CDH8: variants seen among roughly 807,000 people sequenced by gnomAD.
CDH8 encodes the protein cadherin-8.
Under a neutral mutation model 68.1 loss-of-function variants are expected in CDH8, and 17 were observed. That is an observed-to-expected ratio of 0.25 (90% confidence interval 0.17 to 0.37). CDH8 has a LOEUF of 0.37. Ranked by LOEUF, CDH8 falls within the 10% of genes least tolerant of loss-of-function variation. CDH8 has a pLI of 1.00. For synonymous variants in CDH8, 372 were observed against 365.1 expected, an observed-to-expected ratio of 1.02 and a Z score of -0.21; for missense variants, 763 against 999.3, an observed-to-expected ratio of 0.76 and a Z score of 3.19.
chr16:61,720,235 A>G (rs62050474), intron 9 of CDH8, among the ~76,000 whole-genome samples: 101,584 of 150,490 alleles, frequency 0.68, 34,452 homozygotes, highest in South Asian at 0.68. Flanking sequence ...CAGATCCTCC[A>G]GTACCAGATT....
At chr16:61,845,542 C>T (rs1407719351) in intron 4 of CDH8, among the ~76,000 whole-genome samples, 1 of 149,932 alleles carries the variant, frequency 6.7e-6, no homozygotes, top group Non-Finnish European at 1.5e-5. Flanking sequence ...TATAGCTATG[C>T]TTGCATTCAC....
At chr16:61,899,922 G>A (rs1315783302) in intron 3 of CDH8, among the ~76,000 whole-genome samples, 1 of 151,496 alleles carries the variant, frequency 6.6e-6, no homozygotes, top group Non-Finnish European at 1.5e-5. Flanking sequence ...TGGGAGGTAA[G>A]GCATTCTGTA....
At chr16:61,736,098 G>GGAAA (rs1260262826) in intron 8 of CDH8, among the ~76,000 whole-genome samples, 7,146 of 98,892 alleles carry the variant, frequency 0.072, 282 homozygotes, top group Non-Finnish European at 0.085. Context: ...CAAGAAAGAA[G>GGAAA]GAAAGAAAGA....
intron 3 of CDH8, among the ~76,000 whole-genome samples, chr16:61,900,936 C>A (rs937391914): frequency 6.6e-6 from 1 of 152,138 alleles, no homozygotes; most frequent in Non-Finnish European, 1.5e-5. Context: ...ACAAATTCAG[C>A]TTATTGAAGT....
intron 10 of CDH8, among the ~76,000 whole-genome samples, chr16:61,661,112 A>C (rs1229171146): frequency 6.6e-6 from 1 of 152,084 alleles, no homozygotes. Flanking sequence ...TTCAGCATAA[A>C]ATATCTATTT....
chr16:61,956,312 G>T (rs1337236084), intron 2 of CDH8, among the ~76,000 whole-genome samples: 5 of 151,874 alleles, frequency 3.3e-5, no homozygotes, highest in African/African-American at 1.2e-4. Flanking sequence ...TGTTTGTTTT[G>T]TTCTAAAAGA....
chr16:61,940,398 C>CTTTTTGTTTTTTTTTTTTTTTTTTT (rs1964695671), intron 2 of CDH8: 1 of 116,342 alleles, frequency 8.6e-6, no homozygotes, highest in African/African-American at 3.7e-5. Flanking sequence ...ACTACTTGAT[C>CTTTTTGTTTTTTTTTTTTTTTTTTT]TTTTTTTTTT....
In CDH8 at chr16:61,697,794, T is replaced by C. The variant is rs552710601; in HGVS notation, c.1654+16047A>G. 4.6e-5 allele frequency among the ~76,000 whole-genome samples: 7 copies of C among 152,306 alleles called. No individual in the cohort carries two copies. In the East Asian group the frequency reaches 1.4e-3, roughly 29 times the overall value. On this transcript the variant is annotated intron_variant, in intron 10 of 11. Transcript: ENST00000577390. ...GCGTAAGCCATTGTGGCCAGCCCCT[T>C]CTGGGGAGTTTTTTTGTTTCCACTC...
intron 10 of CDH8, among the ~76,000 whole-genome samples, chr16:61,689,284 C>T (rs1047147902): frequency 2.0e-5 from 3 of 152,016 alleles, no homozygotes; most frequent in African/African-American, 4.8e-5. Flanking sequence ...AAAGATCTCT[C>T]GCAATCACTC....
chr16:61,744,569 G>T (rs1442790893), intron 8 of CDH8, among the ~76,000 whole-genome samples: 1 of 151,404 alleles, frequency 6.6e-6, no homozygotes, highest in Non-Finnish European at 1.5e-5. Context: ...TAACTATATG[G>T]GTTTGGATTT....
intron 10 of CDH8, among the ~76,000 whole-genome samples, chr16:61,687,979 A>G (rs12103220): frequency 0.21 from 32,401 of 152,012 alleles, 3,829 homozygotes; most frequent in Middle Eastern, 0.3. Context: ...GCAAATCAGA[A>G]TACTAAAAGT....
At chr16:61,751,464 A>C (rs1960162762) in intron 8 of CDH8, among the ~76,000 whole-genome samples, 1 of 151,526 alleles carries the variant, frequency 6.6e-6, no homozygotes, top group Non-Finnish European at 1.5e-5. Context: ...TCTTAAAAAA[A>C]TGGCTTAAAG....
intron 2 of CDH8, among the ~76,000 whole-genome samples, chr16:61,992,986 C>T (rs1053074652): frequency 2.0e-5 from 3 of 152,066 alleles, no homozygotes; most frequent in Non-Finnish European, 4.4e-5. Flanking sequence ...GGTCTCACTA[C>T]GTTTCTCAGG....
chr16:61,940,452 T>C (rs1387200670), intron 2 of CDH8: 1 of 147,706 alleles, frequency 6.8e-6, no homozygotes, highest in African/African-American at 2.5e-5. Flanking sequence ...CAGGCTGGAG[T>C]GCAGTGGCGC....
intron 8 of CDH8, among the ~76,000 whole-genome samples, chr16:61,732,175 CAG>C (rs1378085548): frequency 6.6e-6 from 1 of 151,402 alleles, no homozygotes; most frequent in African/African-American, 2.4e-5. Context: ...GAAAAGGAGA[CAG>C]AGAATGGAGA....
At chr16:61,761,586 A>G (rs886500319) in intron 8 of CDH8, among the ~76,000 whole-genome samples, 2 of 152,186 alleles carry the variant, frequency 1.3e-5, no homozygotes, top group Non-Finnish European at 2.9e-5. Context: ...AAAAAATACA[A>G]AAGTATGAGT....
intron 2 of CDH8, among the ~76,000 whole-genome samples, chr16:61,905,216 T>C (rs1029801680): frequency 6.6e-6 from 1 of 152,224 alleles, no homozygotes; most frequent in East Asian, 1.9e-4. Flanking sequence ...CCTGGGCAGG[T>C]AGGACTCATT....
At chr16:61,849,000 A>G (rs1052255151) in intron 4 of CDH8, among the ~76,000 whole-genome samples, 1 of 152,108 alleles carries the variant, frequency 6.6e-6, no homozygotes, top group Non-Finnish European at 1.5e-5. Context: ...TAAAATAGCT[A>G]CTTTACTTGA....
chr16:61,730,536 G>A (rs1959506088), intron 8 of CDH8, among the ~76,000 whole-genome samples: 1 of 151,458 alleles, frequency 6.6e-6, no homozygotes, highest in African/African-American at 2.4e-5. Flanking sequence ...ATAGTTCGGT[G>A]AGAAACTAGG....
Sources: gnomAD v4.1 joint callset for allele counts (sites outside exome capture counted in the v4.1 genomes callset) on GRCh38, gnomAD v4.1.1 for gene constraint, MANE v1.5 for transcripts, NCBI Gene and HGNC (gene_info 2026-07-23, HGNC 2026-07-21) for gene names.